Variants in MIPOL1 observed in about 807,000 individuals in gnomAD.
The protein encoded by MIPOL1 is mirror-image polydactyly 1.
A neutral mutation model predicts 60.9 loss-of-function variants in MIPOL1; 57 were observed. The observed-to-expected ratio is 0.94, with a 90% confidence interval of 0.76 to 1.17. The LOEUF is 1.17. Ranked by LOEUF, MIPOL1 falls within the 50% of genes most tolerant of loss-of-function variation. MIPOL1 has a pLI of 0.00. For synonymous variants in MIPOL1, 179 were observed against 168.8 expected (o/e 1.06, Z -0.47); for missense variants, 551 against 511.6 (o/e 1.08, Z -0.74).
intron 12 of MIPOL1, among the ~76,000 whole-genome samples, chr14:37,524,263 T>G (rs2095431837): frequency 6.6e-6 from 1 of 152,090 alleles, no homozygotes; most frequent in Non-Finnish European, 1.5e-5. Context: ...GTAATAGAAC[T>G]GATGAGAAAT....
intron 6 of MIPOL1, among the ~76,000 whole-genome samples, chr14:37,284,623 G>A (rs949078358): frequency 7.9e-5 from 12 of 152,168 alleles, no homozygotes; most frequent in South Asian, 2.1e-4. Flanking sequence ...GATTACAGGC[G>A]TGAGCCATTG....
chr14:37,341,613 A>T (rs1406072261), intron 9 of MIPOL1, among the ~76,000 whole-genome samples: 3 of 152,100 alleles, frequency 2.0e-5, no homozygotes, highest in East Asian at 1.9e-4. Flanking sequence ...TATTTTTTAA[A>T]TTTTTTTTAT....
chr14:37,524,470 A>G (rs769568537), intron 12 of MIPOL1, among the ~76,000 whole-genome samples: 1 of 152,062 alleles, frequency 6.6e-6, no homozygotes, highest in Non-Finnish European at 1.5e-5. Context: ...ATGGAACGAC[A>G]TCTTTAGCAG....
In MIPOL1 at chr14:37,440,201, T is replaced by C. The variant is rs111794524; in HGVS notation, c.1031+17252T>C. ...TCCACTCAGTGTTAAAACTTCCAAT[T>C]GTTTCATGTCATAATGTCTAATTTG... On this transcript the variant is annotated intron_variant, in intron 11 of 12. Coordinates refer to ENST00000684589, the MANE Select transcript of MIPOL1 (RefSeq NM_001388067.1). Among the ~76,000 whole-genome samples the C allele has an allele frequency of 3.2e-3, 487 of 152,316 alleles. 4 individuals are homozygous for C. Among genetic ancestry groups the C allele is most frequent in the Middle Eastern group, 0.031 (9 of 294 alleles).
At chr14:37,470,444 T>A (rs1019612227) in intron 11 of MIPOL1, among the ~76,000 whole-genome samples, 2 of 152,058 alleles carry the variant, frequency 1.3e-5, no homozygotes, top group Non-Finnish European at 2.9e-5. Context: ...CTCGTAATAG[T>A]GAGTTCTCAT....
intron 11 of MIPOL1, among the ~76,000 whole-genome samples, chr14:37,467,664 G>T (rs1030709108): frequency 6.6e-6 from 1 of 152,152 alleles, no homozygotes; most frequent in East Asian, 1.9e-4. Flanking sequence ...AATACAGATT[G>T]TGAGCAGGTC....
At chr14:37,319,246 G>T (rs188377856) in intron 9 of MIPOL1, among the ~76,000 whole-genome samples, 1 of 152,218 alleles carries the variant, frequency 6.6e-6, no homozygotes, top group Admixed American at 6.5e-5. Flanking sequence ...GTACATCCAT[G>T]TTTCTTTCTT....
chr14:37,376,096 A>G (rs2092769758), intron 10 of MIPOL1, among the ~76,000 whole-genome samples: 1 of 152,064 alleles, frequency 6.6e-6, no homozygotes, highest in South Asian at 2.1e-4. Flanking sequence ...CCATATATTC[A>G]CTGGTCCCAC....
At chr14:37,358,306 C>A (rs950303754) in intron 9 of MIPOL1, among the ~76,000 whole-genome samples, 3 of 152,154 alleles carry the variant, frequency 2.0e-5, no homozygotes, top group African/African-American at 7.2e-5. Context: ...CATACCTGTG[C>A]ATGTGTCTTT....
chr14:37,209,076 A>G (rs904418314), intron 1 of MIPOL1, among the ~76,000 whole-genome samples: 1 of 152,238 alleles, frequency 6.6e-6, no homozygotes, highest in South Asian at 2.1e-4. Flanking sequence ...CTTTATCTAC[A>G]TATCACTAGA....
At chr14:37,507,029 A>G (rs1346761893) in intron 12 of MIPOL1, 2 of 152,242 alleles carry the variant, frequency 1.3e-5, no homozygotes, top group Non-Finnish European at 2.9e-5. Context: ...GTCATCAGAG[A>G]AATGCAAATC....
At chr14:37,222,277 C>T (rs142912391) in intron 1 of MIPOL1, among the ~76,000 whole-genome samples, 109 of 150,080 alleles carry the variant, frequency 7.3e-4, no homozygotes, top group African/African-American at 2.4e-3. Context: ...GGCTGGAGTG[C>T]GGTGGCACAA....
At chr14:37,474,602 C>T (rs111765649) in intron 11 of MIPOL1, among the ~76,000 whole-genome samples, 121 of 152,286 alleles carry the variant, frequency 7.9e-4, no homozygotes, top group South Asian at 2.1e-3. Context: ...TCTATTAAAC[C>T]TCTTGTTCTT....
At chr14:37,236,825 A>C (rs1022679364) in intron 1 of MIPOL1, among the ~76,000 whole-genome samples, 1 of 151,890 alleles carries the variant, frequency 6.6e-6, no homozygotes, top group African/African-American at 2.4e-5. Context: ...GTGTTTATAG[A>C]GTTTTTCTTG....
intron 11 of MIPOL1, among the ~76,000 whole-genome samples, chr14:37,439,452 C>A (rs1217412166): frequency 2.0e-5 from 3 of 151,986 alleles, no homozygotes; most frequent in Non-Finnish European, 4.4e-5. Flanking sequence ...TCCTGGAGAG[C>A]CTTGGGAATA....
At chr14:37,292,928 T>G (rs150855473) in intron 7 of MIPOL1, among the ~76,000 whole-genome samples, 1 of 152,296 alleles carries the variant, frequency 6.6e-6, no homozygotes, top group African/African-American at 2.4e-5. Flanking sequence ...GTATGCTCCT[T>G]TTGCTAGAGG....
Position 37,550,924 on chromosome 14 carries a change from C to G in MIPOL1, c.*3953C>G, listed in dbSNP as rs2095560328. On this transcript the variant is annotated 3_prime_UTR_variant, in exon 13 of 13. Transcript: ENST00000684589. ...CTGAAATTAGAAAAAGAAAACTTTT[C>G]TTTTTTATTATATATTTTAGTGTAA... 1 of 151,886 alleles carries G rather than the reference C, an allele frequency of 6.6e-6. No homozygotes were observed. The highest frequency in any genetic ancestry group is 2.1e-4 in the South Asian group (1 of 4,824). 9.4% of individuals were successfully genotyped at this position (151,886 alleles called of 1,614,324 possible). A position where few individuals can be genotyped will look rare whatever the true frequency, so the allele number is the denominator to read the frequency against.
At position 37,341,913 on chromosome 14, in the gene MIPOL1, ATTATTC is replaced by A. The variant is rs907505107; in HGVS notation, c.829-27601_829-27596del. ...CTACTTGACTTTAGAGGAGTTATTT[ATTATTC>A]TTTCCTTTTGATTTTTTTCTCTTCA... On this transcript the variant is annotated intron_variant, in intron 9 of 12. Coordinates refer to ENST00000684589, the MANE Select transcript of MIPOL1 (RefSeq NM_001388067.1). Among the ~76,000 whole-genome samples the A allele has an allele frequency of 7.8e-4, 119 of 152,312 alleles. 1 individual carries two copies. Among genetic ancestry groups the A allele is most frequent in the African/African-American group, 2.9e-3 (119 of 41,574 alleles).
At chr14:37,345,811 T>C (rs186136986) in intron 9 of MIPOL1, among the ~76,000 whole-genome samples, 47 of 152,332 alleles carry the variant, frequency 3.1e-4, no homozygotes, top group African/African-American at 8.2e-4. Flanking sequence ...ATAAAACTTA[T>C]GTGTGTTCAT....
Sources: gnomAD v4.1 joint callset for allele counts (sites outside exome capture counted in the v4.1 genomes callset) on GRCh38, gnomAD v4.1.1 for gene constraint, MANE v1.5 for transcripts, NCBI Gene and HGNC (gene_info 2026-07-23, HGNC 2026-07-21) for gene names.